FAM3D: variants seen among roughly 807,000 people sequenced by gnomAD.
The protein encoded by FAM3D is protein FAM3D.
FAM3D carries 26 observed loss-of-function variants against 29.8 expected under a neutral mutation model. The ratio of observed to expected loss-of-function variants is 0.87; its 90% CI spans 0.64 to 1.21. The LOEUF (loss-of-function observed/expected upper bound fraction) is 1.21. Among genes scored for constraint, FAM3D ranks in the 50% most tolerant of loss-of-function variants. The pLI is 0.00. For missense variants in FAM3D, 253 were observed against 290.9 expected, an observed-to-expected ratio of 0.87 and a Z score of 0.95; for synonymous variants, 115 against 102.3, an observed-to-expected ratio of 1.12 and a Z score of -0.75.
rs117347217 is a variant in FAM3D at position 58,648,516 on chromosome 3, C to T, written c.145+799G>A. Among the ~76,000 whole-genome samples, 1,122 of 152,212 alleles carry T rather than the reference C, an allele frequency of 7.4e-3. 37 individuals carry two copies. In the East Asian group the frequency reaches 0.11, roughly 15 times the overall value. The stretch of plus-strand genomic sequence containing the variant: ...ACCCTGGCCAAAAGATTTCACTTCT[C>T]GGTGCCTTAGTTTCCTTACCTATAA... On this transcript the variant is annotated intron_variant, in intron 4 of 9. Coordinates refer to ENST00000358781, the MANE Select transcript of FAM3D (RefSeq NM_138805.3).
At chr3:58,649,833 G>A (rs528524365) in intron 3 of FAM3D, among the ~76,000 whole-genome samples, 1 of 152,274 alleles carries the variant, frequency 6.6e-6, no homozygotes, top group South Asian at 2.1e-4. Context: ...TAACCTCCCT[G>A]GGCCTCAGTT....
At chr3:58,664,703 G>A (rs2066997217) in intron 1 of FAM3D, among the ~76,000 whole-genome samples, 2 of 152,252 alleles carry the variant, frequency 1.3e-5, no homozygotes, top group East Asian at 3.9e-4. Context: ...GCCAAAGGCA[G>A]GGTTGCTCTC....
chr3:58,652,559 TCATC>T (rs1249889576), intron 3 of FAM3D, among the ~76,000 whole-genome samples: 1 of 138,330 alleles, frequency 7.2e-6, no homozygotes, highest in Non-Finnish European at 1.6e-5. Context: ...CTCCACCCAC[TCATC>T]CATCCATCCA....
chr3:58,662,362 A>G (rs1867423), intron 1 of FAM3D, among the ~76,000 whole-genome samples: 121,686 of 152,254 alleles, frequency 0.8, 49,988 homozygotes, highest in Non-Finnish European at 0.9. Flanking sequence ...GAAGCCATTA[A>G]GAGATAAGTC....
chr3:58,637,049 G>T, intron 8 of FAM3D, 92 bp downstream of exon 8: 2 of 1,094,288 alleles, frequency 1.8e-6, no homozygotes, highest in Non-Finnish European at 2.7e-6. Context: ...CCAGAAAATG[G>T]ATCTGGCAAA....
chr3:58,642,779 G>A (rs1051298882), intron 6 of FAM3D, among the ~76,000 whole-genome samples: 2 of 152,134 alleles, frequency 1.3e-5, no homozygotes, highest in Non-Finnish European at 2.9e-5. Context: ...TGGAGTGCAT[G>A]CCTGGCCCCT....
intron 1 of FAM3D, among the ~76,000 whole-genome samples, chr3:58,656,022 G>C (rs907037404): frequency 2.0e-5 from 3 of 151,870 alleles, no homozygotes; most frequent in Non-Finnish European, 2.9e-5. Context: ...CCATCCATCT[G>C]TCTATCCTCT....
At position 58,645,508 on chromosome 3, in the gene FAM3D, C is replaced by A. The variant is rs1394382795; in HGVS notation, c.263+1G>T. On this transcript the variant is annotated splice_donor_variant, in intron 5 of 9. Transcript: ENST00000358781. LOFTEE classifies it high-confidence loss of function. ...AACATAGTTGTGTCTTAGGTACTTA[C>A]ATGCGGTCTTCAAAGCACATAGTAG... The A allele has an allele frequency of 1.9e-6, 3 of 1,608,680 alleles. No homozygotes were observed. Among genetic ancestry groups the A allele is most frequent in the East Asian group, 2.2e-5 (1 of 44,852 alleles).
chr3:58,643,808 C>A, intron 5 of FAM3D, 88 bp from the exon 6 acceptor site: 1 of 1,206,060 alleles, frequency 8.3e-7, no homozygotes, highest in Non-Finnish European at 1.2e-6. Flanking sequence ...CCGTGAGGAC[C>A]CACATAAGCA....
At chr3:58,639,988 C>A in intron 7 of FAM3D, 139 bp downstream of exon 7, 2 of 837,404 alleles carry the variant, frequency 2.4e-6, no homozygotes, top group Non-Finnish European at 4.0e-6. Flanking sequence ...CTCAACCCCC[C>A]ACCGCACCTC....
intron 1 of FAM3D, among the ~76,000 whole-genome samples, chr3:58,660,249 G>C (rs762232196): frequency 6.6e-6 from 1 of 152,172 alleles, no homozygotes; most frequent in Non-Finnish European, 1.5e-5. Flanking sequence ...ATGCATGCAC[G>C]TGAGTCAGGG....
chr3:58,666,227 G>A (rs943429490), intron 1 of FAM3D, among the ~76,000 whole-genome samples: 1 of 152,136 alleles, frequency 6.6e-6, no homozygotes, highest in African/African-American at 2.4e-5. Context: ...CTGCAGTGTG[G>A]GTTATCAAAT....
At position 58,649,332 on chromosome 3, in the gene FAM3D, G is replaced by C. The variant is rs149077834; in HGVS notation, c.128C>G (p.Ser43Trp). The C allele has an allele frequency of 1.9e-6, 3 of 1,613,762 alleles. No individual in the cohort carries two copies. Among genetic ancestry groups the C allele is most frequent in the Admixed American group, 1.7e-5 (1 of 59,986 alleles). The change falls in exon 4 of 10, where the codon TCG (serine) becomes TGG (tryptophan). Residue 43 changes from serine (S) to tryptophan (W), a missense_variant. Physicochemically the swap from Ser to Trp is radical, Grantham distance 177. Transcript: ENST00000358781. ...ATACTCACGGATCTCCTTGGTGGGC[G>C]AGGCTGCTGGAGAGAAGACAGAATC... ...TIRLPRWLAA[S>W]PTKEIQVKKY...
At chr3:58,642,960 C>T (rs1029191828) in intron 6 of FAM3D, among the ~76,000 whole-genome samples, 1 of 152,202 alleles carries the variant, frequency 6.6e-6, no homozygotes. Flanking sequence ...CCTCCCTGCA[C>T]TGTGTTGCCC....
chr3:58,666,327 A>G (rs978289653), intron 1 of FAM3D, among the ~76,000 whole-genome samples: 4 of 152,196 alleles, frequency 2.6e-5, no homozygotes, highest in Non-Finnish European at 5.9e-5. Context: ...GCCCGAACCC[A>G]GCCCCAGAAT....
intron 7 of FAM3D, among the ~76,000 whole-genome samples, chr3:58,637,465 T>C (rs1056050422): frequency 3.3e-5 from 5 of 152,160 alleles, no homozygotes; most frequent in Admixed American, 2.6e-4. Context: ...TTCTGGACAC[T>C]GGAATTTAGA....
At chr3:58,645,366 T>A in intron 5 of FAM3D, 143 bp downstream of exon 5, 1 of 548,174 alleles carries the variant, frequency 1.8e-6, no homozygotes, top group South Asian at 3.5e-5. Flanking sequence ...ATTATTGTTA[T>A]TTGTGCCTCA....
chr3:58,647,289 T>C (rs1449712696), intron 4 of FAM3D, among the ~76,000 whole-genome samples: 1 of 152,176 alleles, frequency 6.6e-6, no homozygotes, highest in Non-Finnish European at 1.5e-5. Flanking sequence ...GCCTGTGGCT[T>C]AGGGGAGAGA....
intron 3 of FAM3D, 50 bp downstream of exon 3, chr3:58,653,624 C>G (rs752889941): frequency 6.5e-7 from 1 of 1,534,528 alleles, no homozygotes; most frequent in Non-Finnish European, 9.0e-7. Context: ...ATGTCTTCGG[C>G]CCCCAGGCCT....
Sources: gnomAD v4.1 joint callset for allele counts (sites outside exome capture counted in the v4.1 genomes callset) on GRCh38, gnomAD v4.1.1 for gene constraint, MANE v1.5 for transcripts, NCBI Gene and HGNC (gene_info 2026-07-23, HGNC 2026-07-21) for gene names.